Variants in PIK3C2A observed in about 807,000 individuals in gnomAD.
PIK3C2A encodes the protein phosphatidylinositol 4-phosphate 3-kinase C2 domain-containing subunit alpha.
Under a neutral mutation model 204.5 loss-of-function variants are expected in PIK3C2A, and 97 were observed. The observed-to-expected ratio is 0.47, with a 90% CI of 0.40 to 0.56. PIK3C2A has a LOEUF of 0.56. PIK3C2A is among the 20% of genes least tolerant of loss of function. PIK3C2A has a pLI of 0.00. For missense variants in PIK3C2A, 1,735 were observed against 1,969.2 expected (o/e 0.88, Z 2.25); for synonymous variants, 653 against 664.4 (o/e 0.98, Z 0.26).
intron 9 of PIK3C2A, among the ~76,000 whole-genome samples, chr11:17,136,061 T>C (rs1036334595): frequency 6.6e-6 from 1 of 152,200 alleles, no homozygotes; most frequent in African/African-American, 2.4e-5. Flanking sequence ...GCTGAGGCCC[T>C]TGGTCTTTTC....
intron 4 of PIK3C2A, among the ~76,000 whole-genome samples, chr11:17,150,250 T>G (rs2137434541): frequency 6.6e-6 from 1 of 152,288 alleles, no homozygotes; most frequent in Admixed American, 6.5e-5. Flanking sequence ...ATAATTAGCT[T>G]TTCTATCTAA....
At chr11:17,188,916 T>C (rs986773485) in intron 1 of PIK3C2A, among the ~76,000 whole-genome samples, 2 of 146,870 alleles carry the variant, frequency 1.4e-5, no homozygotes, top group Non-Finnish European at 2.9e-5. Context: ...TCACAGAATG[T>C]AAAACAGCTG....
intron 1 of PIK3C2A, among the ~76,000 whole-genome samples, chr11:17,202,456 C>A (rs1852422504): frequency 1.3e-5 from 2 of 151,820 alleles, no homozygotes; most frequent in South Asian, 4.2e-4. Context: ...TGCTTGTAGT[C>A]CCAGCTACTT....
In PIK3C2A at chr11:17,089,648, CAA is replaced by C; in HGVS notation, c.*88_*89del. On this transcript the variant is annotated 3_prime_UTR_variant, in exon 33 of 33. Coordinates refer to ENST00000691414, the MANE Select transcript of PIK3C2A (RefSeq NM_002645.4). Reference sequence around the variant, plus strand: ...GTATAAAAATACTATACAAAATTAACAAGTGTGTGTGTGTGTGTCTGTGTGTG... The same window carrying C: ...GTATAAAAATACTATACAAAATTAACGTGTGTGTGTGTGTGTCTGTGTGTG... 1 of 716,676 alleles carries C rather than the reference CAA, an allele frequency of 1.4e-6. No individual in the cohort carries two copies. Among genetic ancestry groups the C allele is most frequent in the South Asian group, 2.3e-5 (1 of 44,066 alleles). 44.4% of individuals were successfully genotyped at this position (716,676 alleles called of 1,614,324 possible). A position where few individuals can be genotyped will look rare whatever the true frequency, so the allele number is the denominator to read the frequency against.
Position 17,169,528 on chromosome 11 carries a change from C to G in PIK3C2A, c.214G>C (p.Asp72His). The change falls in exon 2 of 33, where the codon GAT becomes CAT. Residue 72 changes from aspartate to histidine, a missense_variant. Asp to His is a moderately conservative substitution (Grantham distance 81, BLOSUM62 -1). Around this residue, in one of 6 missense-constraint regions of PIK3C2A, gnomAD observed 536 missense variants for 546.7 expected, o/e 0.98. Coordinates refer to ENST00000691414, the MANE Select transcript of PIK3C2A (RefSeq NM_002645.4). Reference protein sequence around the residue: ...RKKAQVYNKQDYDLMVFPESD... With the variant: ...RKKAQVYNKQHYDLMVFPESD... ...TCAGGAAACACCATGAGATCATAATCCTGCTTGTTATAAACCTGTGCTTTT... is the reference window on the plus strand; with the variant it reads ...TCAGGAAACACCATGAGATCATAATGCTGCTTGTTATAAACCTGTGCTTTT... 6.2e-7 allele frequency: 1 copy of G among 1,614,082 alleles called. No homozygotes were observed. Among genetic ancestry groups the G allele is most frequent in the South Asian group, 1.1e-5 (1 of 91,072 alleles).
intron 1 of PIK3C2A, chr11:17,193,991 A>G: frequency 2.7e-6 from 1 of 365,238 alleles, no homozygotes; most frequent in African/African-American, 2.1e-5. Flanking sequence ...TGCATTGCCA[A>G]GAAGCAAAAC....
In PIK3C2A at chr11:17,194,175, T is replaced by C. The variant is rs571385876; in HGVS notation, c.-66+13673A>G. The C allele has an allele frequency of 1.2e-4, 76 of 650,856 alleles. 1 individual carries two copies. In the African/African-American group the frequency reaches 1.2e-3, roughly 11 times the overall value. The allele number at this position is 650,856 out of a possible 1,614,324, so 40.3% of individuals were successfully genotyped here. On this transcript the variant is annotated intron_variant, in intron 1 of 32. Coordinates refer to ENST00000691414, the MANE Select transcript of PIK3C2A (RefSeq NM_002645.4). ...CTTGGGAAGCGTGCTTGTGCCCGCATTGCCAAGGGGCTTGGGTTGTGCCGG... is the reference window on the plus strand; with the variant it reads ...CTTGGGAAGCGTGCTTGTGCCCGCACTGCCAAGGGGCTTGGGTTGTGCCGG...
At chr11:17,102,297 C>A (rs934651453) in intron 24 of PIK3C2A, among the ~76,000 whole-genome samples, 1 of 151,950 alleles carries the variant, frequency 6.6e-6, no homozygotes, top group Non-Finnish European at 1.5e-5. Flanking sequence ...ATTAGCCGGG[C>A]GTGGTGGCGG....
chr11:17,110,426 A>C lies in PIK3C2A; in HGVS notation c.3544+6T>G, dbSNP rs1848961126. 1 of 1,606,566 alleles carries C rather than the reference A, an allele frequency of 6.2e-7. No homozygotes were observed. The highest frequency in any genetic ancestry group is 8.5e-7 in the Non-Finnish European group (1 of 1,177,236). ...TAAGACATCAAGACACAGCTAATAA[A>C]CTTACCTCGATCTCTGCCAGTTGAG... On this transcript the variant is annotated splice_donor_region_variant and intron_variant, in intron 22 of 32. Transcript: ENST00000691414.
intron 1 of PIK3C2A, among the ~76,000 whole-genome samples, chr11:17,202,407 C>CT (rs1175743809): frequency 6.6e-6 from 1 of 152,054 alleles, no homozygotes; most frequent in African/African-American, 2.4e-5. Context: ...AACCCCTCCT[C>CT]TACAAAAAAC....
At chr11:17,120,503 AATAT>A (rs1157446453) in intron 15 of PIK3C2A, among the ~76,000 whole-genome samples, 3 of 151,622 alleles carry the variant, frequency 2.0e-5, no homozygotes, top group African/African-American at 7.3e-5. Flanking sequence ...TATATATATA[AATAT>A]ATATATACAT....
rs760081670 is a variant in PIK3C2A at position 17,099,888 on chromosome 11, C to T, written c.4090G>A (p.Asp1364Asn). ...VRDALQPQTT[D>N]AEATIFFTRL... is the part of the protein sequence containing the mutation. Reference sequence around the variant, plus strand: ...GTAAAGAAAATTGTAGCTTCTGCGTCTGTAGTTTGGGGTTGAAGTGCATCT... The same window carrying T: ...GTAAAGAAAATTGTAGCTTCTGCGTTTGTAGTTTGGGGTTGAAGTGCATCT... The change falls in exon 26 of 33, where the codon GAC becomes AAC. Residue 1364 changes from aspartate to asparagine, a missense_variant. Physicochemically the swap from Asp to Asn is conservative, Grantham distance 23. Transcript: ENST00000691414. 43 of 1,565,242 alleles carry T rather than the reference C, an allele frequency of 2.7e-5. No individual in the cohort carries two copies. In the South Asian group the frequency reaches 3.5e-4, roughly 13 times the overall value.
At chr11:17,106,367 A>T (rs1022171297) in intron 22 of PIK3C2A, among the ~76,000 whole-genome samples, 2 of 152,008 alleles carry the variant, frequency 1.3e-5, no homozygotes, top group Non-Finnish European at 2.9e-5. Context: ...AGTCAAGATG[A>T]CACCACTGCG....
chr11:17,092,921 T>C (rs926377348), intron 28 of PIK3C2A, among the ~76,000 whole-genome samples: 21 of 152,222 alleles, frequency 1.4e-4, no homozygotes, highest in Admixed American at 7.2e-4. Flanking sequence ...TCATAAATAT[T>C]TTATCCAGAT....
At position 17,169,588 on chromosome 11, in the gene PIK3C2A, G is replaced by C. The variant is rs200307463; in HGVS notation, c.154C>G (p.Gln52Glu). The C allele has an allele frequency of 3.1e-5, 50 of 1,613,994 alleles. No homozygotes were observed. Among genetic ancestry groups the C allele is most frequent in the Admixed American group, 2.7e-4 (16 of 59,998 alleles). Reference sequence around the variant, plus strand: ...CTGCTTGACAACTCAAAGCCTCTCTGATTGTCAGTCACTTGTCTATCCTTT... The same window carrying C: ...CTGCTTGACAACTCAAAGCCTCTCTCATTGTCAGTCACTTGTCTATCCTTT... ...LQKDRQVTDN[Q>E]RGFELSSSTR... The change falls in exon 2 of 33, where the codon CAG becomes GAG. Residue 52 changes from glutamine (Q) to glutamate (E), a missense_variant. Physicochemically the swap from Gln to Glu is conservative, Grantham distance 29 (BLOSUM62 2). Around this residue, in one of 6 missense-constraint regions of PIK3C2A, gnomAD observed 536 missense variants for 546.7 expected, o/e 0.98. Transcript: ENST00000691414.
At chr11:17,113,704 C>T (rs1011466758) in intron 20 of PIK3C2A, among the ~76,000 whole-genome samples, 3 of 150,238 alleles carry the variant, frequency 2.0e-5, no homozygotes, top group African/African-American at 4.9e-5. Flanking sequence ...ATCACTTGAA[C>T]CTGGGAGGCG....
intron 1 of PIK3C2A, among the ~76,000 whole-genome samples, chr11:17,200,833 G>T (rs594034): frequency 0.58 from 88,055 of 152,068 alleles, 25,844 homozygotes; most frequent in East Asian, 0.82. Flanking sequence ...CCTTAACAAT[G>T]GTAGTATCAT....
chr11:17,200,175 G>C (rs1852317773), intron 1 of PIK3C2A, among the ~76,000 whole-genome samples: 1 of 143,074 alleles, frequency 7.0e-6, no homozygotes, highest in Non-Finnish European at 1.6e-5. Context: ...GACAGAGCGA[G>C]ACTGCATTTC....
intron 12 of PIK3C2A, among the ~76,000 whole-genome samples, chr11:17,130,553 C>T (rs1202211652): frequency 6.6e-6 from 1 of 151,998 alleles, no homozygotes; most frequent in African/African-American, 2.4e-5. Context: ...ACCTGTAATC[C>T]CAGCACTTTG....
Sources: allele counts gnomAD v4.1 joint callset (sites outside exome capture counted in the v4.1 genomes callset), GRCh38; gene constraint gnomAD v4.1.1; regional missense constraint gnomAD v4.1.1; transcripts MANE v1.5; gene names NCBI Gene and HGNC (gene_info 2026-07-23, HGNC 2026-07-21).